Variants in NTAN1 observed in about 807,000 individuals in gnomAD.
NTAN1 encodes protein N-terminal asparagine amidohydrolase.
A neutral mutation model predicts 41.9 loss-of-function variants in NTAN1; 32 were observed. The observed-to-expected ratio is 0.76, with a 90% CI of 0.58 to 1.03. The LOEUF (loss-of-function observed/expected upper bound fraction) is 1.03. NTAN1 is among the 50% of genes least tolerant of loss of function. The probability of loss-of-function intolerance (pLI) is 0.00; values close to 1 mark genes in which losing one functional copy is unlikely to be tolerated. For synonymous variants in NTAN1, 140 were observed against 139.5 expected, an observed-to-expected ratio of 1.00 and a Z score of -0.03; for missense variants, 377 against 377.5, an observed-to-expected ratio of 1.00 and a Z score of 0.01.
chr16:15,039,913 T>TAAAAAAAAAAA, intron 8 of NTAN1, 56 bp downstream of exon 8: 1 of 1,008,520 alleles, frequency 9.9e-7, no homozygotes, highest in Non-Finnish European at 1.5e-6. Flanking sequence ...CTTAAGGCCT[T>TAAAAAAAAAAA]GACATTTGAT....
intron 8 of NTAN1, 28 bp downstream of exon 8, chr16:15,039,941 C>G (rs2151686568): frequency 1.5e-6 from 2 of 1,328,380 alleles, no homozygotes; most frequent in South Asian, 1.2e-5. Context: ...TTTTTTTAAC[C>G]CCTTAACAAA....
In NTAN1 at chr16:15,043,365, G is replaced by A. The variant is rs115664374; in HGVS notation, c.433+969C>T. Among the ~76,000 whole-genome samples, 255 of 152,296 alleles carry A rather than the reference G, an allele frequency of 1.7e-3. 3 individuals are homozygous for A. Among genetic ancestry groups the A allele is most frequent in the African/African-American group, 5.1e-3 (214 of 41,570 alleles). ...ATGAACCTTTTTTAAGAGTTATGGC[G>A]AGACCCTGTCTCCACAAAAAATTTA... On this transcript the variant is annotated intron_variant, in intron 5 of 9. Transcript: ENST00000287706.
chr16:15,046,697 CAAAAAAAAAAAAAAAA>C (rs9331444), intron 4 of NTAN1, among the ~76,000 whole-genome samples: 5 of 43,620 alleles, frequency 1.1e-4, no homozygotes, highest in African/African-American at 4.8e-4. Context: ...CTGTCTCTAC[CAAAAAAAAAAAAAAAA>C]AAAAAAAAAA....
intron 3 of NTAN1, 131 bp downstream of exon 3, chr16:15,047,724 C>T (rs2044132649): frequency 1.1e-6 from 1 of 916,230 alleles, no homozygotes; most frequent in Admixed American, 1.8e-5. Context: ...AGGGAGACAC[C>T]ATGCAGACCA....
At chr16:15,039,924 G>A (rs1567754137) in intron 8 of NTAN1, 45 bp downstream of exon 8, 1 of 1,036,762 alleles carries the variant, frequency 9.6e-7, no homozygotes, top group South Asian at 1.4e-5. Context: ...GACATTTGAT[G>A]CCTTTTTTTT....
intron 8 of NTAN1, 56 bp downstream of exon 8, chr16:15,039,913 T>TG (rs2043732273): frequency 9.9e-7 from 1 of 1,008,424 alleles, no homozygotes; most frequent in African/African-American, 1.6e-5. Context: ...CTTAAGGCCT[T>TG]GACATTTGAT....
At chr16:15,040,239 A>G in intron 7 of NTAN1, 173 bp from the exon 8 acceptor site, 1 of 432,404 alleles carries the variant, frequency 2.3e-6, no homozygotes, top group Non-Finnish European at 4.1e-6. Flanking sequence ...CTTTACCCCA[A>G]GCATCTCGGT....
intron 1 of NTAN1, among the ~76,000 whole-genome samples, chr16:15,048,600 G>C (rs989984678): frequency 2.6e-5 from 4 of 152,154 alleles, no homozygotes; most frequent in African/African-American, 9.6e-5. Flanking sequence ...AGGAATAGTG[G>C]ATGGATGGCT....
chr16:15,038,339 C>CTGAA, intron 9 of NTAN1, 129 bp from the exon 10 acceptor site: 1 of 703,458 alleles, frequency 1.4e-6, no homozygotes, highest in East Asian at 2.8e-5. Context: ...ATGAGGTGGC[C>CTGAA]TGAATTAGTA....
At chr16:15,050,567 A>G (rs2044255005) in intron 1 of NTAN1, among the ~76,000 whole-genome samples, 1 of 152,054 alleles carries the variant, frequency 6.6e-6, no homozygotes, top group Non-Finnish European at 1.5e-5. Flanking sequence ...TCCTGTCTCT[A>G]CAAAAATTAC....
chr16:15,055,907 G>T lies in NTAN1; in HGVS notation c.65C>A (p.Ala22Asp). ...CCCACTCACCTCCAAAGGCGGGTGG[G>T]CTCGGACGAGGTCCCCGGCTGACTG... is the stretch of plus-strand genomic sequence containing the variant. ...LPQSAGDLVR[A>D]HPPLEERARL... Residue 22 changes from alanine (A) to aspartate (D), a missense_variant, in exon 1 of 10, where the codon GCC (alanine) becomes GAC (aspartate). By Grantham distance (126) the Ala-to-Asp change is moderately radical. Transcript: ENST00000287706. 1 of 1,231,868 alleles carries T rather than the reference G, an allele frequency of 8.1e-7. No homozygotes were observed. Among genetic ancestry groups the T allele is most frequent in the Non-Finnish European group, 1.0e-6 (1 of 986,986 alleles). 76.3% of individuals were successfully genotyped at this position (1,231,868 alleles called of 1,614,324 possible). A position where few individuals can be genotyped will look rare whatever the true frequency, so the allele number is the denominator to read the frequency against.
chr16:15,049,434 AT>A (rs35440863), intron 1 of NTAN1, among the ~76,000 whole-genome samples: 95 of 146,270 alleles, frequency 6.5e-4, no homozygotes, highest in African/African-American at 1.1e-3. Flanking sequence ...CTTTTATCTT[AT>A]TTTTTTTTTT....
At chr16:15,052,488 A>T (rs1240447148) in intron 1 of NTAN1, among the ~76,000 whole-genome samples, 1 of 152,120 alleles carries the variant, frequency 6.6e-6, no homozygotes, top group Non-Finnish European at 1.5e-5. Context: ...TTCCTTTATA[A>T]ACAGGAGAGG....
intron 1 of NTAN1, among the ~76,000 whole-genome samples, chr16:15,052,435 AT>A (rs1313830987): frequency 6.6e-6 from 1 of 152,120 alleles, no homozygotes; most frequent in Admixed American, 6.5e-5. Context: ...GACCTGGGGG[AT>A]GATCATGTGA....
At chr16:15,050,459 G>A (rs1276940654) in intron 1 of NTAN1, among the ~76,000 whole-genome samples, 3 of 152,180 alleles carry the variant, frequency 2.0e-5, no homozygotes, top group African/African-American at 4.8e-5. Context: ...GCAGCTGGGT[G>A]TGATGGCTCC....
intron 8 of NTAN1, 93 bp downstream of exon 8, chr16:15,039,876 G>T: frequency 1.4e-6 from 1 of 719,966 alleles, no homozygotes; most frequent in Non-Finnish European, 2.4e-6. Context: ...GAAGCTGACA[G>T]CATAAACTTT....
At chr16:15,046,207 G>A (rs2044054020) in intron 4 of NTAN1, among the ~76,000 whole-genome samples, 1 of 152,246 alleles carries the variant, frequency 6.6e-6, no homozygotes, top group Admixed American at 6.5e-5. Context: ...ACCACAGAGG[G>A]AGAATTTAGA....
At chr16:15,041,207 G>A in intron 6 of NTAN1, 86 bp from the exon 7 acceptor site, 1 of 884,388 alleles carries the variant, frequency 1.1e-6, no homozygotes, top group Non-Finnish European at 1.9e-6. Flanking sequence ...CGAAGGAGGA[G>A]CTCCTCGATG....
chr16:15,055,725 G>T (rs1007790657), intron 1 of NTAN1, 166 bp downstream of exon 1: 6 of 387,384 alleles, frequency 1.5e-5, no homozygotes, highest in African/African-American at 1.3e-4. Flanking sequence ...TCTAAAGAAG[G>T]CAAAAACTCC....
Sources: allele counts gnomAD v4.1 joint callset (sites outside exome capture counted in the v4.1 genomes callset), GRCh38; gene constraint gnomAD v4.1.1; transcripts MANE v1.5; gene names NCBI Gene and HGNC (gene_info 2026-07-23, HGNC 2026-07-21).